The following PRPF40B variants were observed in gnomAD, a reference collection of about 807,000 sequenced individuals.
The protein encoded by PRPF40B is pre-mRNA-processing factor 40 homolog B.
A neutral mutation model predicts 124.5 loss-of-function variants in PRPF40B; 56 were observed. The observed-to-expected ratio is 0.45, with a 90% CI of 0.36 to 0.56. The LOEUF is 0.56. Ranked by LOEUF, PRPF40B falls within the 20% of genes least tolerant of loss-of-function variation. The probability of loss-of-function intolerance (pLI) is 0.00; values close to 1 mark genes in which losing one functional copy is unlikely to be tolerated. For synonymous variants in PRPF40B, 443 were observed against 426.4 expected (o/e 1.04, Z -0.48); for missense variants, 1,053 against 1,169.5 (o/e 0.90, Z 1.45).
At chr12:49,640,918 T>C (rs1942549984) in intron 18 of PRPF40B, 1 of 152,134 alleles carries the variant, frequency 6.6e-6, no homozygotes, top group African/African-American at 2.4e-5. Flanking sequence ...TCCCTGAGAA[T>C]GAATGCTGTG....
rs1941742957 is a variant in PRPF40B at position 49,635,871 on chromosome 12, A to G, written c.1304A>G (p.Asn435Ser). The G allele has an allele frequency of 1.2e-6, 2 of 1,613,854 alleles. No individual in the cohort carries two copies. The highest frequency in any genetic ancestry group is 1.7e-6 in the Non-Finnish European group (2 of 1,179,964). Reference sequence around the variant, plus strand: ...CAGGCCAAGCAGCTCCGGCGCCGCAATATCCAGGCCCTAAAGAGCATCCTG... The same window carrying G: ...CAGGCCAAGCAGCTCCGGCGCCGCAGTATCCAGGCCCTAAAGAGCATCCTG... ...KEQAKQLRRR[N>S]IQALKSILDG... is the part of the protein sequence containing the mutation. Residue 435 changes from asparagine to serine, a missense_variant, in exon 15 of 26, where the codon AAT becomes AGT. Coordinates refer to ENST00000548825, the MANE Select transcript of PRPF40B (RefSeq NM_001031698.3). This position sits in a 1 kb window ranked among gnomAD's most constrained non-coding sequence, Gnocchi z 4.1.
intron 10 of PRPF40B, 72 bp from the exon 11 acceptor site, chr12:49,634,260 T>G: frequency 6.2e-7 from 1 of 1,609,628 alleles, no homozygotes; most frequent in Non-Finnish European, 8.5e-7. Flanking sequence ...GGTGATATGT[T>G]GCCAGGAGTT....
chr12:49,635,806 G>GCCTGC lies in PRPF40B; in HGVS notation c.1276-30_1276-26dup. The stretch of plus-strand genomic sequence containing the variant: ...GCCCAGGCCTACTTGGGTAGCTCTG[G>GCCTGC]CCTGCCCTGCCTCACCCTGATCCTG... On this transcript the variant is annotated intron_variant, in intron 14 of 25. Coordinates refer to ENST00000548825, the MANE Select transcript of PRPF40B (RefSeq NM_001031698.3). This position sits in a 1 kb window ranked among gnomAD's most constrained non-coding sequence, Gnocchi z 4.1. The GCCTGC allele has an allele frequency of 6.2e-7, 1 of 1,609,582 alleles. No homozygotes were observed. Among genetic ancestry groups the GCCTGC allele is most frequent in the Non-Finnish European group, 8.5e-7 (1 of 1,177,974 alleles).
rs761682971 is a variant in PRPF40B, at chr12:49,633,921, C to T, written c.641C>T (p.Pro214Leu). The T allele has an allele frequency of 1.2e-6, 2 of 1,614,192 alleles. No individual in the cohort carries two copies. Among genetic ancestry groups the T allele is most frequent in the East Asian group, 4.5e-5 (2 of 44,884 alleles). Residue 214 changes from proline to leucine, a missense_variant, in exon 10 of 26, where the codon CCA becomes CTA. By Grantham distance (98) the Pro-to-Leu change is moderately conservative. Transcript: ENST00000548825. ...CAGCAGCTGCCACAGACACTTCAGC[C>T]ACAGCCACCTCAGCCACAGCCTGAC... ...QQQQLPQTLQ[P>L]QPPQPQPDPP...
At chr12:49,633,228 C>A in intron 7 of PRPF40B, 104 bp downstream of exon 7, 1 of 1,268,268 alleles carries the variant, frequency 7.9e-7, no homozygotes, top group Non-Finnish European at 1.1e-6. Context: ...TTCCTCTGAT[C>A]CCAAGGTCCC....
chr12:49,631,912 C>G lies in PRPF40B; in HGVS notation c.281C>G (p.Pro94Arg). Reference protein sequence around the residue: ...MMPGMLMPAVPVTAATAPGAD... With the variant: ...MMPGMLMPAVRVTAATAPGAD... ...CCAGGAATGCTGATGCCAGCGGTGCCTGTCACCGCAGCGGTAAGCACTAGG... is the reference window on the plus strand; with the variant it reads ...CCAGGAATGCTGATGCCAGCGGTGCGTGTCACCGCAGCGGTAAGCACTAGG... The change falls in exon 4 of 26, where the codon CCT (proline) becomes CGT (arginine). Residue 94 changes from proline to arginine, a missense_variant. Pro to Arg is a moderately radical substitution (Grantham distance 103). Coordinates refer to ENST00000548825, the MANE Select transcript of PRPF40B (RefSeq NM_001031698.3). This position sits in a 1 kb window ranked among gnomAD's most constrained non-coding sequence, Gnocchi z 4.3. The G allele has an allele frequency of 1.9e-6, 3 of 1,614,140 alleles. No homozygotes were observed. Among genetic ancestry groups the G allele is most frequent in the Non-Finnish European group, 2.5e-6 (3 of 1,179,992 alleles).
intron 18 of PRPF40B, chr12:49,641,677 C>T: frequency 1.9e-6 from 1 of 520,400 alleles, no homozygotes; most frequent in Non-Finnish European, 3.4e-6. Flanking sequence ...AGTTGGGAGA[C>T]ATCTCCCAAC....
chr12:49,632,228 C>T, intron 4 of PRPF40B: 2 of 581,918 alleles, frequency 3.4e-6, no homozygotes, highest in Non-Finnish European at 3.1e-6. Context: ...TTCTTCACAT[C>T]CTCTTTGTCC....
At chr12:49,632,663 T>C in intron 5 of PRPF40B, 40 bp downstream of exon 5, 1 of 1,609,798 alleles carries the variant, frequency 6.2e-7, no homozygotes, top group Non-Finnish European at 8.5e-7. Flanking sequence ...GGCTCGGAGG[T>C]TGGGGGGCAT....
At chr12:49,625,120 A>T (rs1475956160) in intron 1 of PRPF40B, among the ~76,000 whole-genome samples, 1 of 152,194 alleles carries the variant, frequency 6.6e-6, no homozygotes, top group East Asian at 1.9e-4. Context: ...AGTCAGACCA[A>T]GCAGACCTTG....
rs1292500315 is a variant in PRPF40B, at chr12:49,631,011, G to A, written c.84+386G>A. 6.6e-6 allele frequency among the ~76,000 whole-genome samples: 1 copy of A among 152,190 alleles called. No homozygotes were observed. Among genetic ancestry groups the A allele is most frequent in the Non-Finnish European group, 1.5e-5 (1 of 68,034 alleles). ...TGGTGGTCATGAGTTGGAGAGAAAG[G>A]GATGGGAGGCAGGGGACTGGGGTAC... On this transcript the variant is annotated intron_variant, in intron 2 of 25. Transcript: ENST00000548825. This position sits in a 1 kb window ranked among gnomAD's most constrained non-coding sequence, Gnocchi z 4.3.
chr12:49,623,093 C>T (rs1367809059), upstream of PRPF40B, among the ~76,000 whole-genome samples: 1 of 151,666 alleles, frequency 6.6e-6, no homozygotes, highest in Non-Finnish European at 1.5e-5. Context: ...GTGCTCAGTC[C>T]CTGAGACAGA....
At position 49,634,334 on chromosome 12, in the gene PRPF40B, CT is replaced by C; in HGVS notation, c.816del (p.Gly273AspfsTer37). 1 of 1,614,194 alleles carries C rather than the reference CT, an allele frequency of 6.2e-7. No individual in the cohort carries two copies. Among genetic ancestry groups the C allele is most frequent in the Non-Finnish European group, 8.5e-7 (1 of 1,180,038 alleles). On this transcript the variant is annotated frameshift_variant, in exon 11 of 26. Coordinates refer to ENST00000548825, the MANE Select transcript of PRPF40B (RefSeq NM_001031698.3). LOFTEE classifies it high-confidence loss of function. ...LQQLEEGPSSSGQHQPQQEEE... is the reference protein window; with the variant it reads ...LQQLEEGPSSXGQHQPQQEEE... ...GCTGAGTCCCCTGTGCCCTCCAGTT[CT>C]GGACAGCATCAGCCACAGCAGGAGG...
At position 49,635,308 on chromosome 12, in the gene PRPF40B, C is replaced by A. The variant is rs372878973; in HGVS notation, c.1166+45C>A. The A allele has an allele frequency of 6.2e-7, 1 of 1,608,906 alleles. No individual in the cohort carries two copies. The highest frequency in any genetic ancestry group is 2.2e-5 in the East Asian group (1 of 44,840). ...CTGGGACTTGGGAACCCTGAGAACA[C>A]AAAGGTCCAGGGTCTCTGTTCTCTG... On this transcript the variant is annotated intron_variant, in intron 13 of 25. Transcript: ENST00000548825. This position sits in a 1 kb window ranked among gnomAD's most constrained non-coding sequence, Gnocchi z 4.1.
Position 49,631,551 on chromosome 12 carries a change from GTC to G in PRPF40B, c.228+12_228+13del, listed in dbSNP as rs1267801549. ...GCCACCACCACTCACACAGGTAATT[GTC>G]TCTCCTCCCCTGGGGCCTCAGAAAA... On this transcript the variant is annotated splice_region_variant and intron_variant, in intron 3 of 25. Transcript: ENST00000548825. The surrounding 1 kb of genome is among the most constrained non-coding windows in gnomAD (Gnocchi z 4.3). 6.4e-7 allele frequency: 1 copy of G among 1,550,404 alleles called. No homozygotes were observed.
chr12:49,630,530 T>C lies in PRPF40B; in HGVS notation c.4-15T>C. 7.5e-7 allele frequency: 1 copy of C among 1,332,174 alleles called. No individual in the cohort carries two copies. Among genetic ancestry groups the C allele is most frequent in the Non-Finnish European group, 1.1e-6 (1 of 944,898 alleles). 82.5% of individuals were successfully genotyped at this position (1,332,174 alleles called of 1,614,324 possible). ...TGCCCATCCTGGGTCCTATGACTTT[T>C]CTCTCCCTCAACAGTCGGTTCCCGA... On this transcript the variant is annotated splice_polypyrimidine_tract_variant and intron_variant, in intron 1 of 25. Transcript: ENST00000548825.
chr12:49,631,724 C>T lies in PRPF40B; in HGVS notation c.229-136C>T. On this transcript the variant is annotated intron_variant, in intron 3 of 25. Transcript: ENST00000548825. The surrounding 1 kb of genome is among the most constrained non-coding windows in gnomAD (Gnocchi z 4.3). ...CTCAGGCAAGGTGAGAGGCCAGAATCTGGGGATTGCCTGAGGAAGTGCCCA... is the reference window on the plus strand; with the variant it reads ...CTCAGGCAAGGTGAGAGGCCAGAATTTGGGGATTGCCTGAGGAAGTGCCCA... The T allele has an allele frequency of 3.2e-6, 4 of 1,234,152 alleles. No homozygotes were observed. Among genetic ancestry groups the T allele is most frequent in the Non-Finnish European group, 4.7e-6 (4 of 842,224 alleles). 76.5% of individuals were successfully genotyped at this position (1,234,152 alleles called of 1,614,324 possible). A position where few individuals can be genotyped will look rare whatever the true frequency, so the allele number is the denominator to read the frequency against.
rs964382004 is a variant in PRPF40B, at chr12:49,631,760, A to G, written c.229-100A>G. On this transcript the variant is annotated intron_variant, in intron 3 of 25. Transcript: ENST00000548825. This position sits in a 1 kb window ranked among gnomAD's most constrained non-coding sequence, Gnocchi z 4.3. ...CTGAGGAAGTGCCCAAGTGAGGGTC[A>G]TGGCTCCAGTGAGATGTCTCAGGAC... 1.7e-5 allele frequency: 23 copies of G among 1,324,976 alleles called. No homozygotes were observed. The African/African-American group carries it at 2.9e-4, about 17-fold the overall frequency. The allele number at this position is 1,324,976 out of a possible 1,614,324, so 82.1% of individuals were successfully genotyped here.
rs1943018920 is a variant in PRPF40B, at chr12:49,643,996, A to G, written c.2578A>G (p.Lys860Glu). 6 of 1,614,138 alleles carry G rather than the reference A, an allele frequency of 3.7e-6. No homozygotes were observed. Among genetic ancestry groups the G allele is most frequent in the South Asian group, 1.1e-5 (1 of 91,078 alleles). ...CCGTTCCCCAGGCTTTGGAATCAAG[A>G]AGGAGAAGGTGAGGGGCAGGGGCCC... ...PNRSPGFGIK[K>E]EKTGWDTSES... The change falls in exon 25 of 26, where the codon AAG (lysine) becomes GAG (glutamate). Residue 860 changes from lysine to glutamate, a missense_variant. Around this residue, in one of 2 missense-constraint regions of PRPF40B, gnomAD observed 895 missense variants for 1,052.2 expected, o/e 0.85. Transcript: ENST00000548825.
Sources: allele counts gnomAD v4.1 joint callset (sites outside exome capture counted in the v4.1 genomes callset), GRCh38; gene constraint gnomAD v4.1.1; regional missense constraint gnomAD v4.1.1; non-coding constraint Gnocchi (gnomAD v3.1); transcripts MANE v1.5; gene names NCBI Gene and HGNC (gene_info 2026-07-23, HGNC 2026-07-21).